The following KIF16B variants were observed in gnomAD, a reference collection of about 807,000 sequenced individuals.
The protein encoded by KIF16B is kinesin family member 16B, also known as kinesin-like protein KIF16B.
KIF16B carries 98 observed loss-of-function variants against 156.3 expected under a neutral mutation model. The ratio of observed to expected loss-of-function variants is 0.63; its 90% CI spans 0.53 to 0.74. The LOEUF (loss-of-function observed/expected upper bound fraction) is 0.74, where lower values mean the gene tolerates loss of function less well. KIF16B is among the 30% of genes least tolerant of loss of function. The pLI is 0.00. For missense variants in KIF16B, 1,421 were observed against 1,606.5 expected (o/e 0.88, Z 1.97); for synonymous variants, 564 against 583.7 (o/e 0.97, Z 0.49).
At chr20:16,396,223 C>T (rs998592490) in intron 17 of KIF16B, among the ~76,000 whole-genome samples, 2 of 152,026 alleles carry the variant, frequency 1.3e-5, no homozygotes, top group African/African-American at 2.4e-5. Flanking sequence ...ATCTAGGTTG[C>T]GCGCTCCTTA....
intron 12 of KIF16B, among the ~76,000 whole-genome samples, chr20:16,479,287 C>G (rs1297798391): frequency 6.6e-6 from 1 of 152,018 alleles, no homozygotes; most frequent in African/African-American, 2.4e-5. Context: ...TTCTCACTTA[C>G]AAGTGGGAGT....
At chr20:16,292,521 T>C (rs989306131) in intron 25 of KIF16B, among the ~76,000 whole-genome samples, 1 of 152,102 alleles carries the variant, frequency 6.6e-6, no homozygotes, top group Non-Finnish European at 1.5e-5. Context: ...TGAGCACCTT[T>C]TATCTGAAAA....
chr20:16,372,801 G>A (rs1475403859), intron 20 of KIF16B, among the ~76,000 whole-genome samples: 4 of 152,168 alleles, frequency 2.6e-5, no homozygotes, highest in African/African-American at 9.7e-5. Context: ...GGGTTCAAGT[G>A]AGTCTCCTGC....
At chr20:16,426,161 C>G (rs2066345943) in intron 15 of KIF16B, among the ~76,000 whole-genome samples, 1 of 152,118 alleles carries the variant, frequency 6.6e-6, no homozygotes, top group Admixed American at 6.6e-5. Context: ...GACACAGAGC[C>G]AAAACATATC....
At chr20:16,418,856 TC>T (rs1427880351) in intron 15 of KIF16B, among the ~76,000 whole-genome samples, 1 of 152,006 alleles carries the variant, frequency 6.6e-6, no homozygotes, top group African/African-American at 2.4e-5. Flanking sequence ...CTGTTCCCTT[TC>T]CCCCTCCCTC....
At chr20:16,365,863 G>T (rs934074417) in intron 22 of KIF16B, among the ~76,000 whole-genome samples, 48 of 152,190 alleles carry the variant, frequency 3.2e-4, no homozygotes, top group African/African-American at 1.2e-3. Flanking sequence ...TGCATCCAAC[G>T]TCCACTGAGA....
At chr20:16,505,293 A>G (rs986039906) in intron 9 of KIF16B, among the ~76,000 whole-genome samples, 1 of 152,242 alleles carries the variant, frequency 6.6e-6, no homozygotes, top group Non-Finnish European at 1.5e-5. Flanking sequence ...GACATAAAGT[A>G]TACTGCTGTT....
At chr20:16,567,909 G>A (rs1009226686) in intron 1 of KIF16B, among the ~76,000 whole-genome samples, 2 of 152,248 alleles carry the variant, frequency 1.3e-5, no homozygotes, top group East Asian at 1.9e-4. Context: ...CCGAGATCGC[G>A]CCACTGCACT....
rs541918877 is a variant in KIF16B, at chr20:16,284,662, C to T, written c.3796-11251G>A. Among the ~76,000 whole-genome samples, 10 of 152,226 alleles carry T rather than the reference C, an allele frequency of 6.6e-5. No individual in the cohort carries two copies. In the East Asian group the frequency reaches 7.7e-4, roughly 12 times the overall value. ...CGTGTAGCACAATCACAGTTCCTCA[C>T]GAGCTCAAAGAGGGGAGGATTACAA... is the stretch of plus-strand genomic sequence containing the variant. On this transcript the variant is annotated intron_variant, in intron 25 of 25. Transcript: ENST00000354981.
Position 16,409,975 on chromosome 20 carries a change from A to G in KIF16B, c.1613-3519T>C, listed in dbSNP as rs1422974920. On this transcript the variant is annotated intron_variant, in intron 15 of 25. Coordinates refer to ENST00000354981, the MANE Select transcript of KIF16B (RefSeq NM_024704.5). Reference sequence around the variant, plus strand: ...TATATATATATATATATATACATATATATATATATATATATATGTAGGTAC... The same window carrying G: ...TATATATATATATATATATACATATGTATATATATATATATATGTAGGTAC... Among the ~76,000 whole-genome samples the G allele has an allele frequency of 6.1e-4, 33 of 53,720 alleles. 4 individuals carry two copies. Among genetic ancestry groups the G allele is most frequent in the Non-Finnish European group, 9.3e-4 (25 of 26,764 alleles). The allele number at this position is 53,720 out of a possible 152,430, so 35.2% of individuals were successfully genotyped here.
intron 1 of KIF16B, among the ~76,000 whole-genome samples, chr20:16,558,501 G>T (rs2070936333): frequency 6.6e-6 from 1 of 152,312 alleles, no homozygotes; most frequent in African/African-American, 2.4e-5. Context: ...TATAAAAGAG[G>T]CTCCAGGATA....
Position 16,312,280 on chromosome 20 carries a change from G to C in KIF16B, c.3795+55C>G, listed in dbSNP as rs979556672. On this transcript the variant is annotated intron_variant, in intron 25 of 25. Coordinates refer to ENST00000354981, the MANE Select transcript of KIF16B (RefSeq NM_024704.5). Reference sequence around the variant, plus strand: ...GTATTTAACAGAAACAATTCTTACCGGTCAGATGGTACATTTTCTACATAC... The same window carrying C: ...GTATTTAACAGAAACAATTCTTACCCGTCAGATGGTACATTTTCTACATAC... 3 of 1,270,506 alleles carry C rather than the reference G, an allele frequency of 2.4e-6. No homozygotes were observed. In the East Asian group the frequency reaches 7.0e-5, roughly 30 times the overall value. The allele number at this position is 1,270,506 out of a possible 1,614,324, so 78.7% of individuals were successfully genotyped here.
chr20:16,289,874 A>C (rs547877178), intron 25 of KIF16B, among the ~76,000 whole-genome samples: 5 of 152,332 alleles, frequency 3.3e-5, no homozygotes, highest in Admixed American at 2.6e-4. Context: ...GTGTTAAAAC[A>C]AAGAAGAGTA....
At chr20:16,311,967 T>C (rs2122706599) in intron 25 of KIF16B, among the ~76,000 whole-genome samples, 1 of 152,346 alleles carries the variant, frequency 6.6e-6, no homozygotes, top group South Asian at 2.1e-4. Flanking sequence ...AATGATGTAA[T>C]ACTATAAATT....
At chr20:16,509,032 T>C (rs1177836373) in intron 6 of KIF16B, among the ~76,000 whole-genome samples, 1 of 152,162 alleles carries the variant, frequency 6.6e-6, no homozygotes, top group Admixed American at 6.5e-5. Flanking sequence ...AACCTATACA[T>C]ACACAAGCAA....
At chr20:16,512,686 C>A in intron 5 of KIF16B, 140 bp downstream of exon 5, 1 of 577,528 alleles carries the variant, frequency 1.7e-6, no homozygotes, top group South Asian at 2.5e-5. Flanking sequence ...TATCCCCAAA[C>A]CATAATCACA....
At position 16,506,209 on chromosome 20, in the gene KIF16B, G is replaced by A. The variant is rs755863533; in HGVS notation, c.700-19C>T. On this transcript the variant is annotated intron_variant, in intron 7 of 25. Coordinates refer to ENST00000354981, the MANE Select transcript of KIF16B (RefSeq NM_024704.5). ...ATTTAGCCTGTGGTAAAATAAAAAA[G>A]TAAAATTGAAGAGGTGCAAAGGGCC... The A allele has an allele frequency of 1.1e-5, 18 of 1,611,948 alleles. No homozygotes were observed. Among genetic ancestry groups the A allele is most frequent in the Non-Finnish European group, 1.5e-5 (18 of 1,178,224 alleles).
At chr20:16,460,028 G>T (rs1035941285) in intron 12 of KIF16B, among the ~76,000 whole-genome samples, 1 of 152,174 alleles carries the variant, frequency 6.6e-6, no homozygotes, top group Non-Finnish European at 1.5e-5. Context: ...GGGTAAAAAG[G>T]TAGTATCTTT....
intron 19 of KIF16B, among the ~76,000 whole-genome samples, chr20:16,375,989 T>C (rs2064941654): frequency 6.6e-6 from 1 of 152,216 alleles, no homozygotes. Context: ...ACTTTCTAAC[T>C]GTGTGACACT....
Sources: gnomAD v4.1 joint callset for allele counts (sites outside exome capture counted in the v4.1 genomes callset) on GRCh38, gnomAD v4.1.1 for gene constraint, MANE v1.5 for transcripts, NCBI Gene and HGNC (gene_info 2026-07-23, HGNC 2026-07-21) for gene names.